Variants in PALLD observed in about 807,000 individuals in gnomAD.
The protein encoded by PALLD is palladin.
A neutral mutation model predicts 123.5 loss-of-function variants in PALLD; 61 were observed. The observed-to-expected ratio is 0.49, with a 90% CI of 0.40 to 0.61. PALLD has a LOEUF of 0.61. Among genes scored for constraint, PALLD ranks in the 20% least tolerant of loss-of-function variants. The pLI is 0.00. For missense variants in PALLD, 1,273 were observed against 1,377.0 expected, an observed-to-expected ratio of 0.92 and a Z score of 1.20; for synonymous variants, 465 against 496.4, an observed-to-expected ratio of 0.94 and a Z score of 0.84.
intron 10 of PALLD, among the ~76,000 whole-genome samples, chr4:168,849,312 GT>G (rs2150968992): frequency 6.6e-6 from 1 of 152,324 alleles, no homozygotes; most frequent in South Asian, 2.1e-4. Context: ...TTGTTTGGAT[GT>G]TTTGTTGTTT....
At chr4:168,592,623 A>T (rs1238088045) in intron 2 of PALLD, among the ~76,000 whole-genome samples, 1 of 152,208 alleles carries the variant, frequency 6.6e-6, no homozygotes, top group East Asian at 1.9e-4. Context: ...ACCAAGTTGC[A>T]GCAAAAGATC....
intron 1 of PALLD, among the ~76,000 whole-genome samples, chr4:168,509,978 C>T (rs886531774): frequency 2.0e-5 from 3 of 152,142 alleles, no homozygotes; most frequent in African/African-American, 7.2e-5. Context: ...GATACTTCTA[C>T]GCAAGCAACT....
chr4:168,575,789 T>G (rs979678782), intron 2 of PALLD, among the ~76,000 whole-genome samples: 15 of 152,100 alleles, frequency 9.9e-5, no homozygotes, highest in Admixed American at 9.8e-4. Context: ...TTCTAAGAAG[T>G]TTCCAAGTTA....
At chr4:168,803,692 AAAAAAAG>A (rs938815445) in intron 10 of PALLD, among the ~76,000 whole-genome samples, 3 of 151,520 alleles carry the variant, frequency 2.0e-5, no homozygotes, top group African/African-American at 7.3e-5. Context: ...CTCAAAAAAA[AAAAAAAG>A]AAAAAAGGAA....
chr4:168,640,849 G>A (rs1776865880), intron 2 of PALLD, among the ~76,000 whole-genome samples: 1 of 152,140 alleles, frequency 6.6e-6, no homozygotes, highest in Admixed American at 6.5e-5. Context: ...CTGTATTTCA[G>A]CAGGTTTTAA....
intron 2 of PALLD, among the ~76,000 whole-genome samples, chr4:168,580,257 T>A (rs975303954): frequency 1.3e-5 from 2 of 151,594 alleles, no homozygotes; most frequent in African/African-American, 4.9e-5. Flanking sequence ...TGTGTGTGTG[T>A]GTGTGTGTGT....
At chr4:168,648,063 G>A (rs902093499) in intron 2 of PALLD, 3 of 152,028 alleles carry the variant, frequency 2.0e-5, no homozygotes, top group African/African-American at 7.3e-5. Context: ...GCTTCTGAAG[G>A]TGATTTGATG....
chr4:168,792,830 G>A (rs1256395516), intron 10 of PALLD, among the ~76,000 whole-genome samples: 2 of 150,128 alleles, frequency 1.3e-5, no homozygotes, highest in African/African-American at 2.5e-5. Context: ...GCAGTGGTGC[G>A]ATCTTGGCTC....
intron 10 of PALLD, among the ~76,000 whole-genome samples, chr4:168,737,200 T>C (rs1787846476): frequency 6.6e-6 from 1 of 152,244 alleles, no homozygotes; most frequent in South Asian, 2.1e-4. Flanking sequence ...GTTTATCAAG[T>C]CTTCAAAAGA....
chr4:168,690,485 G>A, intron 6 of PALLD, 118 bp from the exon 7 acceptor site: 3 of 1,254,606 alleles, frequency 2.4e-6, no homozygotes, highest in African/African-American at 1.5e-5. Context: ...TGCAAGTTTT[G>A]CATTTTGTGT....
intron 10 of PALLD, among the ~76,000 whole-genome samples, chr4:168,860,326 C>T (rs1375188603): frequency 6.6e-6 from 1 of 152,182 alleles, no homozygotes; most frequent in African/African-American, 2.4e-5. Flanking sequence ...CAGAAGCCCC[C>T]TCGGACTCCC....
chr4:168,751,725 A>G (rs149343795), intron 10 of PALLD, among the ~76,000 whole-genome samples: 5 of 152,342 alleles, frequency 3.3e-5, no homozygotes, highest in South Asian at 2.1e-4. Context: ...TCGGTAGGAC[A>G]GTAACCTGCT....
At chr4:168,766,637 GA>G (rs1020687525) in intron 10 of PALLD, among the ~76,000 whole-genome samples, 1 of 152,242 alleles carries the variant, frequency 6.6e-6, no homozygotes, top group Non-Finnish European at 1.5e-5. Context: ...TAATGCGGGG[GA>G]AAGAGTATAG....
intron 2 of PALLD, among the ~76,000 whole-genome samples, chr4:168,589,321 G>A (rs1325212517): frequency 6.6e-6 from 1 of 152,152 alleles, no homozygotes. Context: ...TCCAATTTAG[G>A]TAGGAGACCT....
chr4:168,567,469 A>T (rs1228448838), intron 2 of PALLD, among the ~76,000 whole-genome samples: 1 of 151,620 alleles, frequency 6.6e-6, no homozygotes, highest in African/African-American at 2.4e-5. Context: ...CCACAAAGCA[A>T]ATGGAAAGCA....
chr4:168,920,997 C>T (rs557911136), intron 17 of PALLD, among the ~76,000 whole-genome samples: 3 of 152,248 alleles, frequency 2.0e-5, no homozygotes, highest in South Asian at 4.1e-4. Flanking sequence ...AATCCCATCT[C>T]GGTCTTCTCT....
intron 5 of PALLD, among the ~76,000 whole-genome samples, chr4:168,683,922 A>G (rs1298181769): frequency 6.6e-6 from 1 of 152,232 alleles, no homozygotes; most frequent in Non-Finnish European, 1.5e-5. Context: ...TGGAAAATAC[A>G]AACAGTAGAG....
At chr4:168,735,598 T>C (rs1458572910) in intron 10 of PALLD, among the ~76,000 whole-genome samples, 1 of 152,178 alleles carries the variant, frequency 6.6e-6, no homozygotes, top group East Asian at 1.9e-4. Flanking sequence ...ACTTTGAGAC[T>C]CCTTTTCTCT....
At chr4:168,567,542 G>GGTGTGTGT (rs61409598) in intron 2 of PALLD, among the ~76,000 whole-genome samples, 7,484 of 145,476 alleles carry the variant, frequency 0.051, 273 homozygotes, top group African/African-American at 0.1. Flanking sequence ...AAGAAAATGT[G>GGTGTGTGT]GTGTGTGTGT....
Sources: gnomAD v4.1 joint callset for allele counts (sites outside exome capture counted in the v4.1 genomes callset) on GRCh38, gnomAD v4.1.1 for gene constraint, MANE v1.5 for transcripts, NCBI Gene and HGNC (gene_info 2026-07-23, HGNC 2026-07-21) for gene names.